Variants in TSPAN18 observed in about 807,000 individuals in gnomAD.
The protein encoded by TSPAN18 is tetraspanin-18.
A neutral mutation model predicts 27.3 loss-of-function variants in TSPAN18; 14 were observed. The observed-to-expected ratio is 0.51, with a 90% CI of 0.34 to 0.80. The LOEUF is 0.80. Ranked by LOEUF, TSPAN18 falls within the 30% of genes least tolerant of loss-of-function variation. The pLI is 0.01. For missense variants in TSPAN18, 268 were observed against 323.9 expected (o/e 0.83, Z 1.32); for synonymous variants, 143 against 136.5 (o/e 1.05, Z -0.33).
intron 3 of TSPAN18, among the ~76,000 whole-genome samples, chr11:44,865,832 C>T (rs779489097): frequency 2.0e-5 from 3 of 152,168 alleles, no homozygotes; most frequent in East Asian, 1.9e-4. Flanking sequence ...CAGGAGCAGT[C>T]GGGTCCCTTA....
intron 2 of TSPAN18, among the ~76,000 whole-genome samples, chr11:44,824,295 T>C (rs1856989600): frequency 6.6e-6 from 1 of 152,222 alleles, no homozygotes; most frequent in African/African-American, 2.4e-5. Flanking sequence ...GCTATTCATT[T>C]GTCTTGTTAA....
At chr11:44,839,856 C>T (rs867450703) in intron 2 of TSPAN18, among the ~76,000 whole-genome samples, 1 of 152,116 alleles carries the variant, frequency 6.6e-6, no homozygotes, top group Non-Finnish European at 1.5e-5. Context: ...GTTGATTCCC[C>T]GGTGCTCCCC....
Position 44,828,338 on chromosome 11 carries a change from A to C in TSPAN18, c.-152-31990A>C, listed in dbSNP as rs143414461. Among the ~76,000 whole-genome samples the C allele has an allele frequency of 3.7e-3, 557 of 152,286 alleles. 3 individuals carry two copies. Among genetic ancestry groups the C allele is most frequent in the African/African-American group, 0.013 (536 of 41,554 alleles). On this transcript the variant is annotated intron_variant, in intron 2 of 9. Coordinates refer to ENST00000520358, the MANE Select transcript of TSPAN18 (RefSeq NM_130783.5). Reference sequence around the variant, plus strand: ...ATGGTTTTTTAATTAAACAACAACAACAAAAAAAAAGCTGGCAGAGAGATG... The same window carrying C: ...ATGGTTTTTTAATTAAACAACAACACCAAAAAAAAAGCTGGCAGAGAGATG...
At chr11:44,822,842 T>C (rs2135124735) in intron 2 of TSPAN18, among the ~76,000 whole-genome samples, 1 of 152,234 alleles carries the variant, frequency 6.6e-6, no homozygotes. Flanking sequence ...TCCAATTGTA[T>C]AATATAAGTC....
At chr11:44,781,726 C>T (rs1381716949) in intron 2 of TSPAN18, among the ~76,000 whole-genome samples, 1 of 152,206 alleles carries the variant, frequency 6.6e-6, no homozygotes, top group Non-Finnish European at 1.5e-5. Flanking sequence ...CTGAGGTTAT[C>T]ATTTATATAC....
chr11:44,913,104 G>C (rs931727069), intron 5 of TSPAN18, among the ~76,000 whole-genome samples: 1 of 152,228 alleles, frequency 6.6e-6, no homozygotes, highest in Admixed American at 6.5e-5. Flanking sequence ...CTCACCCCTG[G>C]CAGCTTCTGG....
At chr11:44,895,119 C>A (rs1217238774) in intron 3 of TSPAN18, among the ~76,000 whole-genome samples, 1 of 152,132 alleles carries the variant, frequency 6.6e-6, no homozygotes, top group African/African-American at 2.4e-5. Flanking sequence ...AAACCTCAAT[C>A]CTAGTAGTTA....
intron 2 of TSPAN18, among the ~76,000 whole-genome samples, chr11:44,813,956 G>T (rs1408640519): frequency 6.6e-6 from 1 of 152,214 alleles, no homozygotes; most frequent in Non-Finnish European, 1.5e-5. Flanking sequence ...TGGGAATGGG[G>T]CCTTGGAGAT....
rs1254975956 is a variant in TSPAN18, at chr11:44,932,214, G to C, written c.*3036G>C. 6.6e-6 allele frequency: 1 copy of C among 151,852 alleles called. No homozygotes were observed. Among genetic ancestry groups the C allele is most frequent in the Non-Finnish European group, 1.5e-5 (1 of 68,002 alleles). The allele number at this position is 151,852 out of a possible 1,614,324, so 9.4% of individuals were successfully genotyped here. On this transcript the variant is annotated 3_prime_UTR_variant, in exon 10 of 10. Transcript: ENST00000520358. The stretch of plus-strand genomic sequence containing the variant: ...CTCCTTCCCCCATGGGTCATATGTT[G>C]AAAGTCTATTTTAAAAACTATGTTC...
chr11:44,877,026 TCTC>T (rs1158358040), intron 3 of TSPAN18, among the ~76,000 whole-genome samples: 1 of 152,204 alleles, frequency 6.6e-6, no homozygotes, highest in African/African-American at 2.4e-5. Flanking sequence ...TGGAGGGACT[TCTC>T]CGCCTCTGAG....
At chr11:44,848,548 T>C (rs16938104) in intron 2 of TSPAN18, among the ~76,000 whole-genome samples, 1,594 of 152,208 alleles carry the variant, frequency 0.01, 24 homozygotes, top group African/African-American at 0.036. Context: ...GTTACTCGCC[T>C]GGCTGAGCTG....
At chr11:44,746,881 C>T (rs907518770) in intron 1 of TSPAN18, among the ~76,000 whole-genome samples, 1 of 152,338 alleles carries the variant, frequency 6.6e-6, no homozygotes, top group Admixed American at 6.5e-5. Context: ...TGGTGCTACC[C>T]CTTGTGCCTA....
intron 3 of TSPAN18, among the ~76,000 whole-genome samples, chr11:44,905,310 C>G (rs1859414550): frequency 6.6e-6 from 1 of 152,150 alleles, no homozygotes; most frequent in Non-Finnish European, 1.5e-5. Flanking sequence ...ACACATATTC[C>G]CAGAACCCTT....
chr11:44,894,471 C>T (rs937698943), intron 3 of TSPAN18, among the ~76,000 whole-genome samples: 3 of 151,894 alleles, frequency 2.0e-5, no homozygotes, highest in East Asian at 1.9e-4. Context: ...TGCCTGGGGG[C>T]GGGGGGGAGT....
intron 3 of TSPAN18, among the ~76,000 whole-genome samples, chr11:44,868,064 G>C (rs1227268593): frequency 1.3e-5 from 2 of 152,188 alleles, no homozygotes; most frequent in African/African-American, 4.8e-5. Context: ...TGACAGGCTG[G>C]CTTCTGAGGG....
intron 3 of TSPAN18, among the ~76,000 whole-genome samples, chr11:44,865,967 G>A (rs1858025533): frequency 6.6e-6 from 1 of 152,262 alleles, no homozygotes; most frequent in Admixed American, 6.5e-5. Flanking sequence ...GGCTTGGAGT[G>A]CCAGCCTCAC....
At chr11:44,918,409 G>A (rs1372016174) in intron 6 of TSPAN18, among the ~76,000 whole-genome samples, 1 of 152,132 alleles carries the variant, frequency 6.6e-6, no homozygotes, top group Admixed American at 6.5e-5. Flanking sequence ...CTCGGAGGAG[G>A]CCCTGGCTGG....
chr11:44,740,269 G>A (rs566178177), intron 1 of TSPAN18, among the ~76,000 whole-genome samples: 5 of 152,362 alleles, frequency 3.3e-5, no homozygotes, highest in South Asian at 2.1e-4. Flanking sequence ...ATGTGTGACC[G>A]GGAGACCCGT....
intron 3 of TSPAN18, 35 bp from the exon 4 acceptor site, chr11:44,906,372 C>G: frequency 6.2e-7 from 1 of 1,608,734 alleles, no homozygotes; most frequent in South Asian, 1.1e-5. Context: ...GTGGGGTCCC[C>G]CATCGGGAAG....
Sources: gnomAD v4.1 joint callset for allele counts (sites outside exome capture counted in the v4.1 genomes callset) on GRCh38, gnomAD v4.1.1 for gene constraint, MANE v1.5 for transcripts, NCBI Gene and HGNC (gene_info 2026-07-23, HGNC 2026-07-21) for gene names.